EMP2: variants seen among roughly 807,000 people sequenced by gnomAD.
The protein encoded by EMP2 is epithelial membrane protein 2.
In EMP2, 19 loss-of-function variants were observed where a neutral mutation model predicts 13.7. The ratio of observed to expected loss-of-function variants is 1.38; its 90% CI spans 0.97 to 2.03. The LOEUF (loss-of-function observed/expected upper bound fraction) is 2.03, where lower values mean the gene tolerates loss of function less well. Ranked by LOEUF, EMP2 falls within the 30% of genes most tolerant of loss-of-function variation. The pLI is 0.00. For synonymous variants in EMP2, 97 were observed against 84.7 expected (o/e 1.15, Z -0.80); for missense variants, 253 against 220.7 (o/e 1.15, Z -0.93).
intron 1 of EMP2, among the ~76,000 whole-genome samples, chr16:10,552,042 G>C (rs1488258165): frequency 6.6e-6 from 1 of 151,570 alleles, no homozygotes; most frequent in African/African-American, 2.4e-5. Flanking sequence ...TTTCAAAAAA[G>C]ACAAATTCCC....
At chr16:10,564,307 A>G (rs1476282430) in intron 1 of EMP2, among the ~76,000 whole-genome samples, 1 of 152,042 alleles carries the variant, frequency 6.6e-6, no homozygotes, top group Non-Finnish European at 1.5e-5. Flanking sequence ...CCTGGCCAAC[A>G]TGGTGAAACC....
At chr16:10,579,364 A>AT (rs201956828) in intron 1 of EMP2, among the ~76,000 whole-genome samples, 1,580 of 152,300 alleles carry the variant, frequency 0.01, 20 homozygotes, top group South Asian at 0.048. Context: ...CTTTTAAAAA[A>AT]TTTTTATGAT....
At chr16:10,540,397 T>C (rs965521167) in intron 3 of EMP2, among the ~76,000 whole-genome samples, 1 of 151,904 alleles carries the variant, frequency 6.6e-6, no homozygotes, top group Non-Finnish European at 1.5e-5. Context: ...TCCCAGCTAC[T>C]TGGGAGTTTG....
At chr16:10,554,825 G>A (rs2050815451) in intron 1 of EMP2, among the ~76,000 whole-genome samples, 1 of 152,000 alleles carries the variant, frequency 6.6e-6, no homozygotes. Context: ...TGGCTCTCTG[G>A]CATTGTCTAG....
intron 1 of EMP2, among the ~76,000 whole-genome samples, chr16:10,555,475 G>A (rs1417397970): frequency 6.6e-6 from 1 of 152,142 alleles, no homozygotes; most frequent in Non-Finnish European, 1.5e-5. Context: ...TTTTAAAAAT[G>A]TTTTGATCTA....
chr16:10,530,455 G>A lies in EMP2; in HGVS notation c.*2450C>T, dbSNP rs1035298185. The stretch of plus-strand genomic sequence containing the variant: ...CAAACCACCACTCCACTCAGCAGAA[G>A]GTCAAGTGCAAAAGTATTTAAATAG... On this transcript the variant is annotated 3_prime_UTR_variant, in exon 5 of 5. Transcript: ENST00000359543. 1 of 152,588 alleles carries A rather than the reference G, an allele frequency of 6.6e-6. No homozygotes were observed. Among genetic ancestry groups the A allele is most frequent in the African/African-American group, 2.4e-5 (1 of 41,422 alleles). The allele number at this position is 152,588 out of a possible 1,614,324, so 9.5% of individuals were successfully genotyped here.
In EMP2 at chr16:10,563,206, T is replaced by C. The variant is rs543412596; in HGVS notation, c.-60-15529A>G. On this transcript the variant is annotated intron_variant, in intron 1 of 4. Coordinates refer to ENST00000359543, the MANE Select transcript of EMP2 (RefSeq NM_001424.6). ...CTCTTTATTATTATTATTATTATTA[T>C]TTTGAGATGGAGTCTCACTCTGTCA... 2.1e-3 allele frequency among the ~76,000 whole-genome samples: 317 copies of C among 152,200 alleles called. 1 individual carries two copies. Among genetic ancestry groups the C allele is most frequent in the African/African-American group, 7.2e-3 (299 of 41,542 alleles).
chr16:10,529,269 T>G lies in EMP2; in HGVS notation c.*3636A>C, dbSNP rs2050578856. On this transcript the variant is annotated 3_prime_UTR_variant, in exon 5 of 5. Coordinates refer to ENST00000359543, the MANE Select transcript of EMP2 (RefSeq NM_001424.6). Reference sequence around the variant, plus strand: ...CTTCTTGGATGTCTACTAATTTTGTTGTTGTTATTGTTCTTGAATAACTGG... The same window carrying G: ...CTTCTTGGATGTCTACTAATTTTGTGGTTGTTATTGTTCTTGAATAACTGG... The G allele has an allele frequency of 6.6e-6, 1 of 152,234 alleles. No homozygotes were observed. The highest frequency in any genetic ancestry group is 2.1e-4 in the South Asian group (1 of 4,832). The allele number at this position is 152,234 out of a possible 1,614,324, so 9.4% of individuals were successfully genotyped here.
In EMP2 at chr16:10,532,758, C is replaced by CTTTTTTTTTTTTTTTTTTTTTT. The variant is rs878927571; in HGVS notation, c.*125_*146dup. 1.1e-5 allele frequency: 2 copies of CTTTTTTTTTTTTTTTTTTTTTT among 182,528 alleles called. No homozygotes were observed. Among genetic ancestry groups the CTTTTTTTTTTTTTTTTTTTTTT allele is most frequent in the Non-Finnish European group, 1.7e-5 (2 of 120,330 alleles). The allele number at this position is 182,528 out of a possible 1,614,324, so 11.3% of individuals were successfully genotyped here. ...CTTTTGGATTTTTTTTTTCTTTTTT[C>CTTTTTTTTTTTTTTTTTTTTTT]TTTTTTTTTTTTTTTTTTTTTTTTT... On this transcript the variant is annotated 3_prime_UTR_variant, in exon 5 of 5. Transcript: ENST00000359543.
chr16:10,534,537 G>A (rs766293663), intron 4 of EMP2, among the ~76,000 whole-genome samples: 8 of 151,990 alleles, frequency 5.3e-5, no homozygotes, highest in African/African-American at 1.9e-4. Context: ...AGGTTGAAGC[G>A]GGCAGATCAC....
chr16:10,540,111 C>A (rs1206419498), intron 3 of EMP2, among the ~76,000 whole-genome samples: 1 of 152,180 alleles, frequency 6.6e-6, no homozygotes, highest in Non-Finnish European at 1.5e-5. Context: ...GCAGGATGTG[C>A]CTGCCAGGCA....
intron 1 of EMP2, among the ~76,000 whole-genome samples, chr16:10,550,146 A>G (rs1471603931): frequency 6.6e-6 from 1 of 152,052 alleles, no homozygotes; most frequent in Non-Finnish European, 1.5e-5. Flanking sequence ...TCGGCCTCCC[A>G]AAGTGCTGGG....
rs1170286775 is a variant in EMP2, at chr16:10,563,200, TTA to T, written c.-60-15525_-60-15524del. ...CATTTCCTCTTTATTATTATTATTA[TTA>T]TTATTTTGAGATGGAGTCTCACTCT... On this transcript the variant is annotated intron_variant, in intron 1 of 4. Coordinates refer to ENST00000359543, the MANE Select transcript of EMP2 (RefSeq NM_001424.6). Among the ~76,000 whole-genome samples, 61 of 152,170 alleles carry T rather than the reference TTA, an allele frequency of 4.0e-4. 1 individual carries two copies. The highest frequency in any genetic ancestry group is 1.4e-3 in the African/African-American group (58 of 41,508).
intron 1 of EMP2, among the ~76,000 whole-genome samples, chr16:10,561,477 G>A (rs563896182): frequency 4.6e-5 from 7 of 152,170 alleles, no homozygotes; most frequent in African/African-American, 1.4e-4. Context: ...GGAAGGAGAC[G>A]GAGGAGTGGG....
Position 10,530,030 on chromosome 16 carries a change from G to C in EMP2, c.*2875C>G, listed in dbSNP as rs1193758615. 6.6e-6 allele frequency: 1 copy of C among 152,120 alleles called. No homozygotes were observed. The highest frequency in any genetic ancestry group is 2.4e-5 in the African/African-American group (1 of 41,422). The allele number at this position is 152,120 out of a possible 1,614,324, so 9.4% of individuals were successfully genotyped here. On this transcript the variant is annotated 3_prime_UTR_variant, in exon 5 of 5. Transcript: ENST00000359543. ...ACTTAAGATTCAACTTCCTCCATGA[G>C]CTTGGGTAGCATCCTGTTAACCCTA...
intron 1 of EMP2, among the ~76,000 whole-genome samples, chr16:10,549,501 A>C (rs2050766008): frequency 6.6e-6 from 1 of 152,226 alleles, no homozygotes; most frequent in Non-Finnish European, 1.5e-5. Flanking sequence ...TCAAGGGAAG[A>C]TGTCACATCA....
chr16:10,547,611 C>T lies in EMP2; in HGVS notation c.7G>A (p.Val3Met). The T allele has an allele frequency of 6.2e-7, 1 of 1,614,066 alleles. No homozygotes were observed. Among genetic ancestry groups the T allele is most frequent in the Non-Finnish European group, 8.5e-7 (1 of 1,180,002 alleles). ...AAGGCGATGATGAAAGCAAGAAGCA[C>T]CAACATTTTCACAGGGCAGGGCGAG... is the stretch of plus-strand genomic sequence containing the variant. ML[V>M]LLAFIIAFHI... The change falls in exon 2 of 5, where the codon GTG (valine) becomes ATG (methionine). Residue 3 changes from valine to methionine, a missense_variant. Val to Met is a conservative substitution (Grantham distance 21). Coordinates refer to ENST00000359543, the MANE Select transcript of EMP2 (RefSeq NM_001424.6).
chr16:10,545,738 T>A (rs2050734055), intron 2 of EMP2: 1 of 152,178 alleles, frequency 6.6e-6, no homozygotes, highest in Non-Finnish European at 1.5e-5. Flanking sequence ...GCACAATAAA[T>A]GTAATGCACT....
chr16:10,538,088 G>A lies in EMP2; in HGVS notation c.170-14C>T, dbSNP rs1504883. ...GCGTGGAGTACTCTGCGGGAAAAGG[G>A]CAGGGGCGCAGGACTGAGGACCTTG... On this transcript the variant is annotated splice_polypyrimidine_tract_variant and intron_variant, in intron 3 of 4. Transcript: ENST00000359543. 0.49 allele frequency: 790,335 copies of A among 1,612,274 alleles called. 197,748 individuals are homozygous for A. Among genetic ancestry groups the A allele is most frequent in the East Asian group, 0.56 (25,163 of 44,858 alleles).
Sources: gnomAD v4.1 joint callset for allele counts (sites outside exome capture counted in the v4.1 genomes callset) on GRCh38, gnomAD v4.1.1 for gene constraint, MANE v1.5 for transcripts, NCBI Gene and HGNC (gene_info 2026-07-23, HGNC 2026-07-21) for gene names.